STK33: variants seen among roughly 807,000 people sequenced by gnomAD.
STK33 encodes serine/threonine-protein kinase 33.
A neutral mutation model predicts 58.0 loss-of-function variants in STK33; 52 were observed. That is an observed-to-expected ratio of 0.90 (90% CI 0.72 to 1.13). STK33 has a LOEUF of 1.13. Ranked by LOEUF, STK33 falls within the 50% of genes most tolerant of loss-of-function variation. The pLI is 0.00. For synonymous variants in STK33, 215 were observed against 200.1 expected, an observed-to-expected ratio of 1.07 and a Z score of -0.63; for missense variants, 630 against 604.2, an observed-to-expected ratio of 1.04 and a Z score of -0.45.
intron 1 of STK33, among the ~76,000 whole-genome samples, chr11:8,558,106 T>C (rs1956886098): frequency 6.6e-6 from 1 of 152,106 alleles, no homozygotes; most frequent in Non-Finnish European, 1.5e-5. Context: ...AAATCAGAAA[T>C]GTTGAGCTAA....
At chr11:8,439,868 A>AC (rs1944505935) in intron 12 of STK33, among the ~76,000 whole-genome samples, 1 of 59,774 alleles carries the variant, frequency 1.7e-5, no homozygotes, top group African/African-American at 6.5e-5. Context: ...TTATATTATA[A>AC]TTATATATAT....
At chr11:8,436,475 C>A (rs1430063377) in intron 12 of STK33, among the ~76,000 whole-genome samples, 3 of 151,970 alleles carry the variant, frequency 2.0e-5, no homozygotes, top group Non-Finnish European at 4.4e-5. Flanking sequence ...TGTAAGTGTA[C>A]AATAATAGTG....
chr11:8,503,503 A>T (rs1426132157), intron 1 of STK33, among the ~76,000 whole-genome samples: 1 of 152,092 alleles, frequency 6.6e-6, no homozygotes, highest in Non-Finnish European at 1.5e-5. Context: ...GATTCAAAAA[A>T]CTACTGATTG....
At chr11:8,530,044 G>A (rs12791928) in intron 1 of STK33, among the ~76,000 whole-genome samples, 21,251 of 152,072 alleles carry the variant, frequency 0.14, 1,818 homozygotes, top group South Asian at 0.29. Context: ...GAGAGGGGGC[G>A]GAAAAGGTGT....
At chr11:8,413,223 A>G (rs193122748) in intron 15 of STK33, among the ~76,000 whole-genome samples, 1 of 152,214 alleles carries the variant, frequency 6.6e-6, no homozygotes, top group Admixed American at 6.5e-5. Flanking sequence ...AAAGACTACT[A>G]GGGCCCACAA....
At chr11:8,480,918 G>A (rs1035361606) in intron 1 of STK33, among the ~76,000 whole-genome samples, 1 of 152,132 alleles carries the variant, frequency 6.6e-6, no homozygotes, top group African/African-American at 2.4e-5. Flanking sequence ...GTAAATCTGG[G>A]AAGTCTGCTA....
rs533221215 is a variant in STK33, at chr11:8,558,215, A to G, written c.-466+35868T>C. Among the ~76,000 whole-genome samples the G allele has an allele frequency of 6.6e-5, 10 of 152,354 alleles. No homozygotes were observed. In the East Asian group the frequency reaches 1.7e-3, roughly 26 times the overall value. ...TTAACTATTGCAAATCAGATGCACT[A>G]CATAAACTTAAAATGAAAAGGAAAA... On this transcript the variant is annotated intron_variant, in intron 1 of 15. Coordinates refer to ENST00000687296, the MANE Select transcript of STK33 (RefSeq NM_001352389.2).
intron 1 of STK33, among the ~76,000 whole-genome samples, chr11:8,519,061 A>C (rs4758354): frequency 1 from 151,473 of 152,222 alleles, 75,365 homozygotes; most frequent in Non-Finnish European, 1. Context: ...CCACATCACA[A>C]TTATTCCAAA....
intron 11 of STK33, among the ~76,000 whole-genome samples, chr11:8,443,149 T>C (rs1427656274): frequency 6.6e-6 from 1 of 152,196 alleles, no homozygotes; most frequent in Non-Finnish European, 1.5e-5. Flanking sequence ...AAACAATGTG[T>C]CAAAGACCTT....
rs1416964056 is a variant in STK33, at chr11:8,462,468, CACACATAT to C, written c.454-567_454-560del. ...ACACACACACACACACACACACACA[CACACATAT>C]ATATATATATGTATGTATGAAAAAA... On this transcript the variant is annotated intron_variant, in intron 7 of 15. Coordinates refer to ENST00000687296, the MANE Select transcript of STK33 (RefSeq NM_001352389.2). Among the ~76,000 whole-genome samples, 233 of 146,080 alleles carry C rather than the reference CACACATAT, an allele frequency of 1.6e-3. 1 individual carries two copies. The highest frequency in any genetic ancestry group is 5.7e-3 in the African/African-American group (226 of 39,472).
At chr11:8,556,103 T>C (rs747758133) in intron 1 of STK33, among the ~76,000 whole-genome samples, 12 of 152,126 alleles carry the variant, frequency 7.9e-5, no homozygotes, top group African/African-American at 2.2e-4. Context: ...AGAAGTTCTG[T>C]TGGCCAAGAG....
intron 1 of STK33, among the ~76,000 whole-genome samples, chr11:8,577,852 G>T (rs1565406328): frequency 6.6e-6 from 1 of 151,946 alleles, no homozygotes. Context: ...ATACTCAATG[G>T]TAACAGAGCC....
chr11:8,461,692 C>T, intron 8 of STK33, 113 bp downstream of exon 8: 1 of 678,126 alleles, frequency 1.5e-6, no homozygotes, highest in Non-Finnish European at 2.3e-6. Context: ...CAGTGACAGA[C>T]TCATGGCCAA....
chr11:8,453,011 T>TG, intron 10 of STK33, 105 bp from the exon 11 acceptor site: 1 of 1,033,454 alleles, frequency 9.7e-7, no homozygotes, highest in South Asian at 1.4e-5. Flanking sequence ...CTGGGGTTCT[T>TG]GGGGGTGGGA....
Position 8,396,425 on chromosome 11 carries a change from C to T in STK33, c.1345-3715G>A, listed in dbSNP as rs552037855. On this transcript the variant is annotated intron_variant, in intron 15 of 15. Coordinates refer to ENST00000687296, the MANE Select transcript of STK33 (RefSeq NM_001352389.2). ...TTCTCTCTTTACTAAATTCCAGTTGCATGAAGTTTAGGATGGCATTGTTCA... is the reference window on the plus strand; with the variant it reads ...TTCTCTCTTTACTAAATTCCAGTTGTATGAAGTTTAGGATGGCATTGTTCA... Among the ~76,000 whole-genome samples, 180 of 152,266 alleles carry T rather than the reference C, an allele frequency of 1.2e-3. 2 individuals are homozygous for T. The highest frequency in any genetic ancestry group is 4.2e-3 in the African/African-American group (175 of 41,532).
Position 8,396,112 on chromosome 11 carries a change from A to AT in STK33, c.1345-3403dup, listed in dbSNP as rs200648566. Among the ~76,000 whole-genome samples, 428 of 152,150 alleles carry AT rather than the reference A, an allele frequency of 2.8e-3. 2 individuals are homozygous for AT. Among genetic ancestry groups the AT allele is most frequent in the African/African-American group, 9.9e-3 (411 of 41,518 alleles). On this transcript the variant is annotated intron_variant, in intron 15 of 15. Coordinates refer to ENST00000687296, the MANE Select transcript of STK33 (RefSeq NM_001352389.2). ...TACCTTTCTTTATGCAAATATATAT[A>AT]TATTTTTTGAGGTGGAGTTTTGCTC...
rs373641644 is a variant in STK33 at position 8,548,465 on chromosome 11, A to G, written c.-466+45618T>C. On this transcript the variant is annotated intron_variant, in intron 1 of 15. Transcript: ENST00000687296. ...GTTCTCTATTCTGTTCCATTGGTCT[A>G]TGTGTCCATTTTTATGCCAGTACCA... Among the ~76,000 whole-genome samples the G allele has an allele frequency of 9.5e-4, 144 of 152,218 alleles. 1 individual carries two copies. The highest frequency in any genetic ancestry group is 3.3e-3 in the African/African-American group (135 of 41,528).
At chr11:8,477,139 TACACACACACACAC>T (rs146828395) in intron 3 of STK33, 97 bp downstream of exon 3, 13 of 141,230 alleles carry the variant, frequency 9.2e-5, no homozygotes, top group Admixed American at 2.8e-4. Flanking sequence ...CCACTCAAAA[TACACACACACACAC>T]ACACACACAC....
chr11:8,352,506 T>A, the STK33 span, among the ~76,000 whole-genome samples: 1 of 152,146 alleles, frequency 6.6e-6, no homozygotes, highest in Non-Finnish European at 1.5e-5. Context: ...CAGGGTGTTA[T>A]AATGGAGAGG....
Sources: allele counts gnomAD v4.1 joint callset (sites outside exome capture counted in the v4.1 genomes callset), GRCh38; gene constraint gnomAD v4.1.1; transcripts MANE v1.5; gene names NCBI Gene and HGNC (gene_info 2026-07-23, HGNC 2026-07-21).